SH3D19: variants seen among roughly 807,000 people sequenced by gnomAD.
SH3D19 encodes SH3 domain containing 19, also known as SH3 domain-containing protein 19.
In SH3D19, 58 loss-of-function variants were observed where a neutral mutation model predicts 112.1. That is an observed-to-expected ratio of 0.52 (90% CI 0.42 to 0.64). The LOEUF is 0.64. Among genes scored for constraint, SH3D19 ranks in the 30% least tolerant of loss-of-function variants. SH3D19 has a pLI of 0.00. For synonymous variants in SH3D19, 391 were observed against 448.5 expected (o/e 0.87, Z 1.62); for missense variants, 1,090 against 1,263.4 (o/e 0.86, Z 2.08).
intron 1 of SH3D19, among the ~76,000 whole-genome samples, chr4:151,254,535 G>A (rs1321373430): frequency 2.4e-5 from 3 of 122,588 alleles, no homozygotes; most frequent in Admixed American, 7.8e-5. Context: ...TAAGGAGCAT[G>A]CTGCCTTCAA....
intron 1 of SH3D19, among the ~76,000 whole-genome samples, chr4:151,265,932 A>T (rs1450496179): frequency 1.3e-5 from 2 of 152,128 alleles, no homozygotes; most frequent in Non-Finnish European, 1.5e-5. Context: ...ATTGTTGGGA[A>T]TGAGGGAATG....
In SH3D19 at chr4:151,155,500, T is replaced by C. The variant is rs143627250; in HGVS notation, c.1755+3740A>G. Reference sequence around the variant, plus strand: ...GTTAATGCACAATGTAAAATCATGATGAAATTTGAACTGAAAATTTGGTTC... The same window carrying C: ...GTTAATGCACAATGTAAAATCATGACGAAATTTGAACTGAAAATTTGGTTC... On this transcript the variant is annotated intron_variant, in intron 9 of 19. Transcript: ENST00000604030. Among the ~76,000 whole-genome samples, 665 of 152,304 alleles carry C rather than the reference T, an allele frequency of 4.4e-3. 5 individuals carry two copies. Among genetic ancestry groups the C allele is most frequent in the African/African-American group, 0.015 (628 of 41,560 alleles).
intron 7 of SH3D19, among the ~76,000 whole-genome samples, 177 bp downstream of exon 7, chr4:151,174,493 T>C (rs1212298066): frequency 6.6e-6 from 1 of 152,116 alleles, no homozygotes; most frequent in Non-Finnish European, 1.5e-5. Flanking sequence ...CCCACATAGC[T>C]CCCATGTTTC....
chr4:151,212,962 A>C (rs1464468682), intron 2 of SH3D19, among the ~76,000 whole-genome samples: 1 of 152,228 alleles, frequency 6.6e-6, no homozygotes, highest in Non-Finnish European at 1.5e-5. Flanking sequence ...CCCATGGATG[A>C]CTTTGAGGGG....
At chr4:151,133,257 G>A (rs1751114206) in intron 15 of SH3D19, 21 bp from the exon 16 acceptor site, 14 of 1,608,544 alleles carry the variant, frequency 8.7e-6, no homozygotes, top group Admixed American at 1.7e-5. Flanking sequence ...AACACATTTT[G>A]TGGATTAGAC....
chr4:151,283,452 G>A (rs2407168), intron 1 of SH3D19, among the ~76,000 whole-genome samples: 131,557 of 151,072 alleles, frequency 0.87, 58,134 homozygotes, highest in Non-Finnish European at 0.96. Context: ...TGTGAAATCA[G>A]TTTCTTCAAC....
chr4:151,141,527 C>T (rs1469528997), intron 12 of SH3D19, among the ~76,000 whole-genome samples: 2 of 152,096 alleles, frequency 1.3e-5, no homozygotes, highest in African/African-American at 4.8e-5. Context: ...CCCCTGTGGT[C>T]CCAGCTATTA....
chr4:151,209,305 G>C (rs1471048184), intron 2 of SH3D19, among the ~76,000 whole-genome samples: 1 of 150,250 alleles, frequency 6.7e-6, no homozygotes, highest in African/African-American at 2.5e-5. Context: ...TTAAGAGAAA[G>C]CGTCACTCTG....
chr4:151,307,051 C>T (rs1447736961), intron 1 of SH3D19, among the ~76,000 whole-genome samples: 2 of 145,140 alleles, frequency 1.4e-5, no homozygotes, highest in Non-Finnish European at 3.0e-5. Context: ...CGGAGTCTCG[C>T]TCTGTCGCCC....
intron 2 of SH3D19, among the ~76,000 whole-genome samples, chr4:151,221,581 A>C (rs1768052016): frequency 6.6e-6 from 1 of 152,212 alleles, no homozygotes; most frequent in South Asian, 2.1e-4. Flanking sequence ...TTTGAGAGTC[A>C]GGTTCTTCCC....
chr4:151,266,041 T>C (rs1330426332), intron 1 of SH3D19: 1 of 152,174 alleles, frequency 6.6e-6, no homozygotes, highest in East Asian at 1.9e-4. Context: ...ATGGATGAGA[T>C]AGTTACATGT....
At chr4:151,288,307 T>C (rs1015354645) in intron 1 of SH3D19, among the ~76,000 whole-genome samples, 2 of 152,072 alleles carry the variant, frequency 1.3e-5, no homozygotes, top group Admixed American at 1.3e-4. Context: ...TAAAAAGACA[T>C]CCAGATTGCA....
At chr4:151,166,554 C>T (rs1481760867) in intron 7 of SH3D19, among the ~76,000 whole-genome samples, 1 of 151,192 alleles carries the variant, frequency 6.6e-6, no homozygotes, top group Non-Finnish European at 1.5e-5. Flanking sequence ...AAAGAAAATG[C>T]TCTATAATGG....
At chr4:151,256,320 G>A (rs1244923176) in intron 1 of SH3D19, among the ~76,000 whole-genome samples, 1 of 152,146 alleles carries the variant, frequency 6.6e-6, no homozygotes. Flanking sequence ...GTAAAATGTC[G>A]AGAAAGTCCA....
At chr4:151,278,517 T>C (rs887804115) in intron 1 of SH3D19, among the ~76,000 whole-genome samples, 5 of 152,126 alleles carry the variant, frequency 3.3e-5, no homozygotes, top group African/African-American at 7.2e-5. Flanking sequence ...GTCTCTAATA[T>C]AGCACCTGTC....
rs545104676 is a variant in SH3D19, at chr4:151,181,053, A to G, written c.194-1656T>C. ...CTCCCAAAGTGCTGGGATTACAGGC[A>G]TGAGCCACCACGCCCGGCCTACCTC... On this transcript the variant is annotated intron_variant, in intron 3 of 19. Transcript: ENST00000604030. Among the ~76,000 whole-genome samples, 329 of 151,622 alleles carry G rather than the reference A, an allele frequency of 2.2e-3. 2 individuals carry two copies. The highest frequency in any genetic ancestry group is 6.6e-3 in the African/African-American group (273 of 41,290).
intron 7 of SH3D19, among the ~76,000 whole-genome samples, chr4:151,167,072 A>G (rs971974175): frequency 6.6e-6 from 1 of 152,198 alleles, no homozygotes; most frequent in Non-Finnish European, 1.5e-5. Flanking sequence ...GAGGAAAAAA[A>G]AAATAGATGA....
chr4:151,259,917 C>T (rs4464546), intron 1 of SH3D19, among the ~76,000 whole-genome samples: 4,855 of 152,174 alleles, frequency 0.032, 270 homozygotes, highest in African/African-American at 0.11. Flanking sequence ...GGAGACATCC[C>T]CCAGGAAGGG....
chr4:151,234,735 G>GTTTTTTTT (rs541665981), intron 1 of SH3D19, among the ~76,000 whole-genome samples: 4 of 25,078 alleles, frequency 1.6e-4, no homozygotes, highest in Admixed American at 1.3e-3. Flanking sequence ...CCAAGTTTGT[G>GTTTTTTTT]TTTTTTTTTT....
Sources: allele counts gnomAD v4.1 joint callset (sites outside exome capture counted in the v4.1 genomes callset), GRCh38; gene constraint gnomAD v4.1.1; transcripts MANE v1.5; gene names NCBI Gene and HGNC (gene_info 2026-07-23, HGNC 2026-07-21).